AGBL1: variants seen among roughly 807,000 people sequenced by gnomAD.
AGBL1 encodes the protein cytosolic carboxypeptidase 4.
AGBL1 carries 130 observed loss-of-function variants against 118.9 expected under a neutral mutation model. That is an observed-to-expected ratio of 1.09 (90% confidence interval 0.95 to 1.26). The LOEUF is 1.26. Ranked by LOEUF, AGBL1 falls within the 50% of genes most tolerant of loss-of-function variation. The pLI, the probability that AGBL1 is intolerant of heterozygous loss-of-function variation, is 0.00. For synonymous variants in AGBL1, 555 were observed against 478.9 expected (o/e 1.16, Z -2.08); for missense variants, 1,584 against 1,298.1 (o/e 1.22, Z -3.38).
intron 23 of AGBL1, among the ~76,000 whole-genome samples, chr15:86,964,957 G>T (rs1463614511): frequency 6.6e-6 from 1 of 152,098 alleles, no homozygotes; most frequent in East Asian, 1.9e-4. Context: ...CAAAGGACAT[G>T]AACTCATCCT....
chr15:86,768,694 T>C (rs1294392136), intron 22 of AGBL1, among the ~76,000 whole-genome samples: 1 of 151,982 alleles, frequency 6.6e-6, no homozygotes, highest in African/African-American at 2.4e-5. Flanking sequence ...CTAGATTTTC[T>C]TTATGGGAGT....
intron 20 of AGBL1, among the ~76,000 whole-genome samples, chr15:86,551,369 T>C (rs574433048): frequency 1.3e-5 from 2 of 152,104 alleles, no homozygotes; most frequent in South Asian, 4.1e-4. Context: ...AGAAAGAAGA[T>C]ACAAGTTACC....
At chr15:86,507,407 G>A (rs74456665) in intron 18 of AGBL1, among the ~76,000 whole-genome samples, 4 of 152,182 alleles carry the variant, frequency 2.6e-5, no homozygotes, top group African/African-American at 4.8e-5. Flanking sequence ...TTATCGATAA[G>A]GTGATTTCTA....
intron 18 of AGBL1, among the ~76,000 whole-genome samples, chr15:86,514,183 T>A (rs2083089119): frequency 6.6e-6 from 1 of 151,884 alleles, no homozygotes; most frequent in Non-Finnish European, 1.5e-5. Flanking sequence ...TTTCTTTATC[T>A]ATCTGTAAAT....
Position 86,491,813 on chromosome 15 carries a change from T to G in AGBL1, c.2556-30997T>G, listed in dbSNP as rs1434090991. On this transcript the variant is annotated intron_variant, in intron 18 of 22. Coordinates refer to ENST00000614907, the MANE Select transcript of AGBL1 (RefSeq NM_001386094.1). ...TAGTCATTCTTCAGAATATATTTAG[T>G]GATGTTATGCTCAGTTTTAAGCCCT... Among the ~76,000 whole-genome samples the G allele has an allele frequency of 9.3e-5, 14 of 150,560 alleles. No individual in the cohort carries two copies. The Admixed American group carries it at 9.3e-4, about 10-fold the overall frequency.
intron 18 of AGBL1, among the ~76,000 whole-genome samples, chr15:86,488,396 G>C (rs1026690026): frequency 6.6e-6 from 1 of 151,700 alleles, no homozygotes; most frequent in Non-Finnish European, 1.5e-5. Context: ...TTCTCATTAG[G>C]AGCTGACCCA....
chr15:86,948,471 A>T (rs1314316238), intron 23 of AGBL1, among the ~76,000 whole-genome samples: 1 of 152,238 alleles, frequency 6.6e-6, no homozygotes, highest in African/African-American at 2.4e-5. Flanking sequence ...GAATCTATTT[A>T]AAAAAGGTTA....
intron 18 of AGBL1, among the ~76,000 whole-genome samples, chr15:86,494,277 A>G (rs116628270): frequency 9.3e-4 from 142 of 152,196 alleles, no homozygotes; most frequent in African/African-American, 3.2e-3. Flanking sequence ...TTTATCTTAG[A>G]CAAGTTTCAT....
At chr15:86,837,004 G>A (rs1783967189) in intron 22 of AGBL1, among the ~76,000 whole-genome samples, 1 of 152,038 alleles carries the variant, frequency 6.6e-6, no homozygotes, top group African/African-American at 2.4e-5. Context: ...TAATTTTGCA[G>A]TGCTCACAGT....
intron 23 of AGBL1, among the ~76,000 whole-genome samples, chr15:86,953,404 T>C (rs1201579117): frequency 6.6e-6 from 1 of 151,446 alleles, no homozygotes; most frequent in Non-Finnish European, 1.5e-5. Flanking sequence ...ATTTGGATTT[T>C]TTTTTTTTTT....
intron 1 of AGBL1, among the ~76,000 whole-genome samples, chr15:86,098,411 C>A (rs558448431): frequency 1.3e-5 from 2 of 152,016 alleles, no homozygotes; most frequent in Non-Finnish European, 2.9e-5. Flanking sequence ...AAAGTGTCTC[C>A]CCTAAGGTTT....
At chr15:86,393,120 A>G (rs1320979007) in intron 17 of AGBL1, among the ~76,000 whole-genome samples, 2 of 152,300 alleles carry the variant, frequency 1.3e-5, no homozygotes, top group East Asian at 3.8e-4. Context: ...TTATGTCTTC[A>G]TGAGAATCCA....
At chr15:86,500,378 C>A (rs1376039563) in intron 18 of AGBL1, among the ~76,000 whole-genome samples, 2 of 151,736 alleles carry the variant, frequency 1.3e-5, no homozygotes, top group East Asian at 3.9e-4. Context: ...TAGGTTATCC[C>A]AAGTTCTAGT....
chr15:86,720,311 C>G (rs149276052), intron 22 of AGBL1, among the ~76,000 whole-genome samples: 2 of 152,260 alleles, frequency 1.3e-5, no homozygotes, highest in East Asian at 3.9e-4. Flanking sequence ...TTACCAGGCT[C>G]AAATCCTGGG....
chr15:86,364,698 C>A (rs1271570870), intron 17 of AGBL1, among the ~76,000 whole-genome samples: 1 of 151,884 alleles, frequency 6.6e-6, no homozygotes, highest in Non-Finnish European at 1.5e-5. Context: ...CCCTTAGCAT[C>A]TCAGTTTTAA....
chr15:86,264,223 A>G, intron 10 of AGBL1, 35 bp from the exon 11 acceptor site: 2 of 1,456,490 alleles, frequency 1.4e-6, no homozygotes, highest in Non-Finnish European at 9.3e-7. Flanking sequence ...CTGGAAGGAC[A>G]CACTAACATA....
chr15:86,436,460 A>T (rs1267712850), intron 18 of AGBL1, among the ~76,000 whole-genome samples: 3 of 152,214 alleles, frequency 2.0e-5, no homozygotes, highest in Non-Finnish European at 2.9e-5. Flanking sequence ...CTTGTTCAGA[A>T]TGATAGTCTT....
intron 9 of AGBL1, 32 bp from the exon 10 acceptor site, chr15:86,262,746 C>A: frequency 2.8e-6 from 4 of 1,440,254 alleles, no homozygotes; most frequent in Non-Finnish European, 3.9e-6. Context: ...GATTTCCTGA[C>A]TGTAATCTCT....
At chr15:86,647,109 A>G (rs1444447390) in intron 21 of AGBL1, among the ~76,000 whole-genome samples, 1 of 152,194 alleles carries the variant, frequency 6.6e-6, no homozygotes, top group African/African-American at 2.4e-5. Flanking sequence ...TAATTGATTT[A>G]TATAACATTA....
Sources: allele counts gnomAD v4.1 joint callset (sites outside exome capture counted in the v4.1 genomes callset), GRCh38; gene constraint gnomAD v4.1.1; transcripts MANE v1.5; gene names NCBI Gene and HGNC (gene_info 2026-07-23, HGNC 2026-07-21).